TNR: variants seen among roughly 807,000 people sequenced by gnomAD.
TNR encodes tenascin-R.
Under a neutral mutation model 150.4 loss-of-function variants are expected in TNR, and 45 were observed. The ratio of observed to expected loss-of-function variants is 0.30; its 90% CI spans 0.24 to 0.38. TNR has a LOEUF of 0.38. Among genes scored for constraint, TNR ranks in the 10% least tolerant of loss-of-function variants. TNR has a pLI of 1.00. For synonymous variants in TNR, 687 were observed against 678.4 expected (o/e 1.01, Z -0.20); for missense variants, 1,544 against 1,759.1 (o/e 0.88, Z 2.19).
intron 2 of TNR, among the ~76,000 whole-genome samples, chr1:175,492,042 C>G (rs556723947): frequency 6.6e-6 from 1 of 152,010 alleles, no homozygotes; most frequent in Non-Finnish European, 1.5e-5. Context: ...TGGCCAAAGG[C>G]CATTGATGGC....
At chr1:175,596,296 G>A (rs1410371208) in intron 1 of TNR, among the ~76,000 whole-genome samples, 1 of 151,822 alleles carries the variant, frequency 6.6e-6, no homozygotes, top group African/African-American at 2.4e-5. Flanking sequence ...AGGAGTGGAG[G>A]GTCCTTCTAG....
chr1:175,486,906 AT>A (rs1451247917), intron 2 of TNR, among the ~76,000 whole-genome samples: 3 of 152,170 alleles, frequency 2.0e-5, no homozygotes, highest in African/African-American at 7.2e-5. Context: ...TGTTTGTTGC[AT>A]GCATAAATGT....
chr1:175,418,273 GA>G (rs1471113251), intron 2 of TNR, among the ~76,000 whole-genome samples: 1 of 152,148 alleles, frequency 6.6e-6, no homozygotes, highest in Non-Finnish European at 1.5e-5. Context: ...CAGGACATGA[GA>G]AGTACCATAC....
intron 1 of TNR, among the ~76,000 whole-genome samples, chr1:175,732,179 C>T (rs1667660306): frequency 6.6e-6 from 1 of 152,206 alleles, no homozygotes; most frequent in Non-Finnish European, 1.5e-5. Context: ...TTGGGCTTGG[C>T]TGTATCTGCC....
At chr1:175,722,546 C>T (rs1017676148) in intron 1 of TNR, among the ~76,000 whole-genome samples, 1 of 152,142 alleles carries the variant, frequency 6.6e-6, no homozygotes, top group South Asian at 2.1e-4. Flanking sequence ...CTCAATGCAA[C>T]CTCTGCCTCC....
intron 2 of TNR, among the ~76,000 whole-genome samples, chr1:175,524,026 G>C (rs1571559233): frequency 6.6e-6 from 1 of 151,766 alleles, no homozygotes; most frequent in South Asian, 2.1e-4. Context: ...TCTCTTCTTG[G>C]GTCCCCCATT....
At chr1:175,570,296 C>T (rs1416393740) in intron 1 of TNR, among the ~76,000 whole-genome samples, 1 of 152,164 alleles carries the variant, frequency 6.6e-6, no homozygotes, top group Non-Finnish European at 1.5e-5. Context: ...CTCTGTCCAT[C>T]TTTCTCACCC....
At chr1:175,532,382 T>C (rs1285214421) in intron 1 of TNR, among the ~76,000 whole-genome samples, 2 of 152,224 alleles carry the variant, frequency 1.3e-5, no homozygotes, top group Non-Finnish European at 2.9e-5. Flanking sequence ...CTGACCCATA[T>C]TCTGCTTCTA....
At chr1:175,674,600 G>A (rs949726917) in intron 1 of TNR, among the ~76,000 whole-genome samples, 1 of 152,148 alleles carries the variant, frequency 6.6e-6, no homozygotes, top group Non-Finnish European at 1.5e-5. Flanking sequence ...TGGAGACCAG[G>A]GTGGCCAACC....
chr1:175,439,419 A>G (rs1225562713), intron 2 of TNR, among the ~76,000 whole-genome samples: 2 of 152,008 alleles, frequency 1.3e-5, no homozygotes, highest in African/African-American at 2.4e-5. Flanking sequence ...AACCATAAAA[A>G]CCCTAGAAGA....
At chr1:175,684,996 T>C (rs1474290458) in intron 1 of TNR, among the ~76,000 whole-genome samples, 1 of 152,164 alleles carries the variant, frequency 6.6e-6, no homozygotes, top group Non-Finnish European at 1.5e-5. Context: ...TTCTGGCTTT[T>C]CCTATTTCCT....
chr1:175,637,969 A>G (rs749542287), intron 1 of TNR, among the ~76,000 whole-genome samples: 1 of 152,060 alleles, frequency 6.6e-6, no homozygotes, highest in Non-Finnish European at 1.5e-5. Flanking sequence ...CCCCACCCCC[A>G]TCTCCAGTGA....
At chr1:175,556,065 A>T (rs533742866) in intron 1 of TNR, among the ~76,000 whole-genome samples, 2 of 152,374 alleles carry the variant, frequency 1.3e-5, no homozygotes, top group East Asian at 1.9e-4. Context: ...CTGCAACTTG[A>T]GTTCCTGGGC....
chr1:175,602,444 C>T (rs1460740414), intron 1 of TNR, among the ~76,000 whole-genome samples: 2 of 152,190 alleles, frequency 1.3e-5, no homozygotes, highest in African/African-American at 4.8e-5. Context: ...AGGACTACTA[C>T]ACCGTGAGAA....
Position 175,365,951 on chromosome 1 carries a change from C to T in TNR, c.2241G>A (p.Gly747=), listed in dbSNP as rs746859493. The change falls in exon 11 of 23, where the codon GGG becomes GGA. Residue 747 remains glycine, a synonymous_variant. Coordinates refer to ENST00000367674, the MANE Select transcript of TNR (RefSeq NM_003285.3). The part of the protein sequence containing the change: ...TSYTLTDLEP[G]AEYIISVTAE... ...CAGTGACGGAAATGATGTACTCTGC[C>T]CCAGGCTCTAGATCTGTTAGTGTGT... 6.8e-6 allele frequency: 11 copies of T among 1,614,078 alleles called. No homozygotes were observed. Among genetic ancestry groups the T allele is most frequent in the African/African-American group, 1.3e-5 (1 of 75,038 alleles).
intron 2 of TNR, among the ~76,000 whole-genome samples, chr1:175,447,662 G>T (rs1656117277): frequency 6.6e-6 from 1 of 152,206 alleles, no homozygotes. Flanking sequence ...TGATTTCTGT[G>T]TTGTCTCTTT....
At chr1:175,714,513 A>C (rs1353265455) in intron 1 of TNR, among the ~76,000 whole-genome samples, 1 of 152,114 alleles carries the variant, frequency 6.6e-6, no homozygotes, top group Non-Finnish European at 1.5e-5. Context: ...ATCAATTCTC[A>C]AATTCTAGAT....
At chr1:175,709,293 TCACACACACACACATACACA>T (rs1217932845) in intron 1 of TNR, among the ~76,000 whole-genome samples, 5 of 135,332 alleles carry the variant, frequency 3.7e-5, no homozygotes, top group Admixed American at 1.4e-4. Context: ...TCCCTTGCTT[TCACACACACACACATACACA>T]CACACACACA....
intron 19 of TNR, 77 bp from the exon 20 acceptor site, chr1:175,335,884 G>A: frequency 1.5e-6 from 2 of 1,308,290 alleles, no homozygotes; most frequent in Non-Finnish European, 2.2e-6. Context: ...AAAATAAACT[G>A]TGATAAGTAA....
Sources: gnomAD v4.1 joint callset for allele counts (sites outside exome capture counted in the v4.1 genomes callset) on GRCh38, gnomAD v4.1.1 for gene constraint, MANE v1.5 for transcripts, NCBI Gene and HGNC (gene_info 2026-07-23, HGNC 2026-07-21) for gene names.